ZNF704: variants seen among roughly 807,000 people sequenced by gnomAD.
ZNF704 encodes glucocorticoid induced gene 1.
A neutral mutation model predicts 44.7 loss-of-function variants in ZNF704; 10 were observed. The observed-to-expected ratio is 0.22, with a 90% confidence interval of 0.14 to 0.38. The LOEUF is 0.38. ZNF704 is among the 10% of genes least tolerant of loss of function. ZNF704 has a pLI of 1.00. For missense variants in ZNF704, 390 were observed against 545.5 expected (o/e 0.71, Z 2.84); for synonymous variants, 211 against 207.6 (o/e 1.02, Z -0.14).
intron 2 of ZNF704, among the ~76,000 whole-genome samples, chr8:80,754,300 G>A (rs1388234482): frequency 6.6e-6 from 1 of 152,170 alleles, no homozygotes; most frequent in East Asian, 1.9e-4. Context: ...GTTTGGATAA[G>A]TATTTCCTCC....
intron 1 of ZNF704, among the ~76,000 whole-genome samples, chr8:80,849,095 T>C (rs1417516533): frequency 1.3e-5 from 2 of 151,902 alleles, no homozygotes; most frequent in Non-Finnish European, 2.9e-5. Flanking sequence ...AGGGAAGAGG[T>C]GAGTAGTAAA....
intron 2 of ZNF704, 32 bp downstream of exon 2, chr8:80,821,342 G>A (rs746388354): frequency 5.0e-6 from 8 of 1,600,146 alleles, no homozygotes; most frequent in Non-Finnish European, 5.1e-6. Flanking sequence ...ACTTCCTGGG[G>A]CAGACACATG....
chr8:80,880,311 G>A, the ZNF704 span, among the ~76,000 whole-genome samples: 2 of 152,154 alleles, frequency 1.3e-5, no homozygotes, highest in Non-Finnish European at 2.9e-5. Flanking sequence ...GTGATGGATG[G>A]CCTGCACCAA....
intron 1 of ZNF704, among the ~76,000 whole-genome samples, chr8:80,859,935 C>T (rs1353047054): frequency 6.6e-6 from 1 of 152,180 alleles, no homozygotes; most frequent in African/African-American, 2.4e-5. Flanking sequence ...AATCCTAGGT[C>T]ATTGGCTCAC....
At chr8:80,671,358 A>T (rs1480225674) in intron 4 of ZNF704, among the ~76,000 whole-genome samples, 1 of 152,170 alleles carries the variant, frequency 6.6e-6, no homozygotes, top group East Asian at 1.9e-4. Context: ...AATATTTTCT[A>T]AAACAGTCCA....
chr8:80,653,014 A>T (rs551541996), intron 7 of ZNF704, among the ~76,000 whole-genome samples: 1,814 of 152,334 alleles, frequency 0.012, 73 homozygotes, highest in Admixed American at 0.073. Flanking sequence ...CTGGTTCAAC[A>T]TACACAAATC....
At chr8:80,719,431 A>G (rs1388792883) in intron 2 of ZNF704, among the ~76,000 whole-genome samples, 1 of 152,204 alleles carries the variant, frequency 6.6e-6, no homozygotes, top group Non-Finnish European at 1.5e-5. Flanking sequence ...GCTTCCAGAA[A>G]AGATCAAAGT....
chr8:80,830,178 T>C (rs1327956585), intron 1 of ZNF704, among the ~76,000 whole-genome samples: 1 of 151,490 alleles, frequency 6.6e-6, no homozygotes, highest in Non-Finnish European at 1.5e-5. Flanking sequence ...CCCAGAGAAA[T>C]AGGGTGGTGG....
chr8:80,879,520 G>A (rs111295785), upstream of ZNF704, among the ~76,000 whole-genome samples: 13 of 152,254 alleles, frequency 8.5e-5, no homozygotes, highest in African/African-American at 2.6e-4. Context: ...AATGTGCTGG[G>A]ACTGGGTGTC....
intron 2 of ZNF704, among the ~76,000 whole-genome samples, chr8:80,792,028 C>A (rs1433375853): frequency 6.6e-6 from 1 of 151,988 alleles, no homozygotes; most frequent in Non-Finnish European, 1.5e-5. Flanking sequence ...AAATAGAAGA[C>A]CAAAGGCACA....
chr8:80,664,431 C>A (rs959151704), intron 6 of ZNF704, among the ~76,000 whole-genome samples: 2 of 152,040 alleles, frequency 1.3e-5, no homozygotes, highest in African/African-American at 4.8e-5. Flanking sequence ...GCCACCACAC[C>A]CAGCTAATTT....
intron 4 of ZNF704, among the ~76,000 whole-genome samples, chr8:80,676,105 G>A (rs1009641264): frequency 1.3e-5 from 2 of 152,150 alleles, no homozygotes; most frequent in African/African-American, 4.8e-5. Context: ...CTTGGATTTG[G>A]CATATGGAGG....
chr8:80,671,276 T>C (rs1818273749), intron 4 of ZNF704, among the ~76,000 whole-genome samples: 1 of 152,166 alleles, frequency 6.6e-6, no homozygotes. Context: ...CATAGGTACA[T>C]GCCACCATGC....
At position 80,726,998 on chromosome 8, in the gene ZNF704, A is replaced by G. The variant is rs1424258355; in HGVS notation, c.222-33891T>C. 2.0e-5 allele frequency among the ~76,000 whole-genome samples: 3 copies of G among 152,182 alleles called. No individual in the cohort carries two copies. In the East Asian group the frequency reaches 5.8e-4, roughly 29 times the overall value. ...ATGTAATAGTCATTTAATGTTTGCA[A>G]TAATCTTTTGATCTAGGATTGATTA... is the stretch of plus-strand genomic sequence containing the variant. On this transcript the variant is annotated intron_variant, in intron 2 of 8. Coordinates refer to ENST00000327835, the MANE Select transcript of ZNF704 (RefSeq NM_001033723.3).
At chr8:80,750,778 G>T (rs1284486098) in intron 2 of ZNF704, among the ~76,000 whole-genome samples, 4 of 152,156 alleles carry the variant, frequency 2.6e-5, no homozygotes, top group Non-Finnish European at 5.9e-5. Flanking sequence ...GCCTCCCAAA[G>T]TGCTGGGATT....
At chr8:80,677,973 T>C (rs1329395343) in intron 4 of ZNF704, among the ~76,000 whole-genome samples, 2 of 152,328 alleles carry the variant, frequency 1.3e-5, no homozygotes, top group East Asian at 1.9e-4. Flanking sequence ...GGGACATCCA[T>C]GGTGATGCCC....
At position 80,760,380 on chromosome 8, in the gene ZNF704, G is replaced by A. The variant is rs193148605; in HGVS notation, c.221+60994C>T. Among the ~76,000 whole-genome samples the A allele has an allele frequency of 4.5e-3, 691 of 152,158 alleles. 7 individuals are homozygous for A. Among genetic ancestry groups the A allele is most frequent in the African/African-American group, 0.016 (654 of 41,516 alleles). On this transcript the variant is annotated intron_variant, in intron 2 of 8. Transcript: ENST00000327835. ...CATTGCTATAAAGAAATACCTGGCC[G>A]GGCACGGTGGCTCACACCTGTAATC...
chr8:80,678,946 C>T (rs1243850847), intron 4 of ZNF704, among the ~76,000 whole-genome samples: 1 of 152,142 alleles, frequency 6.6e-6, no homozygotes, highest in African/African-American at 2.4e-5. Context: ...TTGATTCCTC[C>T]TGGCTCTCTC....
intron 2 of ZNF704, among the ~76,000 whole-genome samples, chr8:80,795,110 C>G (rs983805132): frequency 6.6e-6 from 1 of 152,186 alleles, no homozygotes; most frequent in Admixed American, 6.5e-5. Flanking sequence ...TGCCCTCACA[C>G]AAGCGCACAC....
Sources: gnomAD v4.1 joint callset for allele counts (sites outside exome capture counted in the v4.1 genomes callset) on GRCh38, gnomAD v4.1.1 for gene constraint, MANE v1.5 for transcripts, NCBI Gene and HGNC (gene_info 2026-07-23, HGNC 2026-07-21) for gene names.